RORA: variants seen among roughly 807,000 people sequenced by gnomAD.
RORA encodes the protein nuclear receptor ROR-alpha.
A neutral mutation model predicts 69.5 loss-of-function variants in RORA; 7 were observed. The ratio of observed to expected loss-of-function variants is 0.10; its 90% confidence interval spans 0.06 to 0.19. The LOEUF is 0.19. Among genes scored for constraint, RORA ranks in the 10% least tolerant of loss-of-function variants. The pLI is 1.00. For synonymous variants in RORA, 261 were observed against 240.8 expected (o/e 1.08, Z -0.78); for missense variants, 457 against 663.0 (o/e 0.69, Z 3.41).
chr15:61,131,358 A>G lies in RORA; in HGVS notation c.166+97695T>C, dbSNP rs1320275214. ...AATTGTCTGTAGAAAATAAATCTAGACTCTTTCATCAGAGACTTCTAGCAG... is the reference window on the plus strand; with the variant it reads ...AATTGTCTGTAGAAAATAAATCTAGGCTCTTTCATCAGAGACTTCTAGCAG... On this transcript the variant is annotated intron_variant, in intron 1 of 10. Transcript: ENST00000335670. This position sits in a 1 kb window ranked among gnomAD's most constrained non-coding sequence, Gnocchi z 4.2. Among the ~76,000 whole-genome samples the G allele has an allele frequency of 2.6e-5, 4 of 152,062 alleles. No homozygotes were observed. Among genetic ancestry groups the G allele is most frequent in the African/African-American group, 9.7e-5 (4 of 41,402 alleles).
chr15:60,494,551 T>G lies in RORA; in HGVS notation c.*2904A>C, dbSNP rs2141235086. On this transcript the variant is annotated 3_prime_UTR_variant, in exon 11 of 11. Coordinates refer to ENST00000335670, the MANE Select transcript of RORA (RefSeq NM_134261.3). The stretch of plus-strand genomic sequence containing the variant: ...TAATGAAGAAAGGAAAATGCAAAGT[T>G]TTTCACATCCTTTTCTGAGCTCCAT... 1 of 151,876 alleles carries G rather than the reference T, an allele frequency of 6.6e-6. No homozygotes were observed. The highest frequency in any genetic ancestry group is 3.4e-3 in the Middle Eastern group (1 of 294). 9.4% of individuals were successfully genotyped at this position (151,876 alleles called of 1,614,324 possible). A position where few individuals can be genotyped will look rare whatever the true frequency, so the allele number is the denominator to read the frequency against.
intron 2 of RORA, among the ~76,000 whole-genome samples, chr15:60,623,958 A>G (rs2069490578): frequency 6.6e-6 from 1 of 151,934 alleles, no homozygotes; most frequent in African/African-American, 2.4e-5. Flanking sequence ...ACATTTTCCC[A>G]CTAAAATTCT....
In RORA at chr15:61,046,095, G is replaced by A. The variant is rs866247605; in HGVS notation, c.166+182958C>T. 2.5e-4 allele frequency among the ~76,000 whole-genome samples: 38 copies of A among 152,190 alleles called. 1 individual carries two copies. The highest frequency in any genetic ancestry group is 8.3e-4 in the South Asian group (4 of 4,828). ...GGATAGATCAACGGAGAAAAGGGGA[G>A]GAAGTGAGAGGAAGCAGTTAGGTCT... is the stretch of plus-strand genomic sequence containing the variant. On this transcript the variant is annotated intron_variant, in intron 1 of 10. Coordinates refer to ENST00000335670, the MANE Select transcript of RORA (RefSeq NM_134261.3).
chr15:60,504,825 A>G (rs1394949939), intron 6 of RORA, among the ~76,000 whole-genome samples: 1 of 152,090 alleles, frequency 6.6e-6, no homozygotes, highest in African/African-American at 2.4e-5. Flanking sequence ...TGTTTCCCCA[A>G]TCTTAGTTTC....
intron 1 of RORA, among the ~76,000 whole-genome samples, chr15:61,033,037 C>T (rs967057551): frequency 1.1e-4 from 17 of 152,076 alleles, no homozygotes; most frequent in African/African-American, 3.9e-4. Context: ...TTTTACAGAG[C>T]GGGGAACAGA....
chr15:60,699,408 CAA>C (rs1218218120), intron 1 of RORA, among the ~76,000 whole-genome samples: 2 of 152,128 alleles, frequency 1.3e-5, no homozygotes, highest in Non-Finnish European at 2.9e-5. Context: ...TGAATCTAAA[CAA>C]CACACCAACT....
chr15:60,695,472 T>C (rs1490112508), intron 1 of RORA, among the ~76,000 whole-genome samples: 2 of 152,048 alleles, frequency 1.3e-5, no homozygotes, highest in African/African-American at 4.8e-5. Flanking sequence ...TTTTTTTCAC[T>C]TGCATTTCAC....
intron 1 of RORA, among the ~76,000 whole-genome samples, chr15:61,157,423 T>C (rs551888855): frequency 6.6e-6 from 1 of 152,294 alleles, no homozygotes; most frequent in East Asian, 1.9e-4. Flanking sequence ...TAATGGGTTA[T>C]TTGTGTAAAC....
At chr15:60,841,925 C>A (rs1480023635) in intron 1 of RORA, among the ~76,000 whole-genome samples, 1 of 152,166 alleles carries the variant, frequency 6.6e-6, no homozygotes, top group Non-Finnish European at 1.5e-5. Flanking sequence ...GGGCGTGGGA[C>A]CTGGGTCCAG....
chr15:61,072,178 ATTACAAATTATATGTTAC>A (rs1247159654), intron 1 of RORA, among the ~76,000 whole-genome samples: 1 of 152,322 alleles, frequency 6.6e-6, no homozygotes, highest in East Asian at 1.9e-4. Flanking sequence ...GGCAAAGAAC[ATTACAAATTATATGTTAC>A]TAAAGAAAAG....
intron 2 of RORA, among the ~76,000 whole-genome samples, chr15:60,600,491 C>T (rs340027): frequency 1.3e-3 from 196 of 152,268 alleles, no homozygotes; most frequent in African/African-American, 4.6e-3. Flanking sequence ...AGTGTCTGAC[C>T]AGAAGTCTAT....
At chr15:61,142,888 T>C (rs1315146186) in intron 1 of RORA, among the ~76,000 whole-genome samples, 3 of 152,128 alleles carry the variant, frequency 2.0e-5, no homozygotes, top group Non-Finnish European at 4.4e-5. Flanking sequence ...TAGATACACA[T>C]GCATCAGCTC....
intron 2 of RORA, among the ~76,000 whole-genome samples, chr15:60,553,090 A>T (rs1254555021): frequency 6.6e-6 from 1 of 152,216 alleles, no homozygotes; most frequent in African/African-American, 2.4e-5. Flanking sequence ...GAATATATGT[A>T]AGCAACTAGC....
intron 2 of RORA, among the ~76,000 whole-genome samples, chr15:60,588,795 T>C (rs1253545063): frequency 2.0e-5 from 3 of 152,260 alleles, no homozygotes; most frequent in Non-Finnish European, 4.4e-5. Flanking sequence ...CAGCATTAAA[T>C]AAATTATATG....
intron 1 of RORA, among the ~76,000 whole-genome samples, chr15:60,965,015 G>C (rs1415961399): frequency 6.6e-6 from 1 of 152,144 alleles, no homozygotes; most frequent in Non-Finnish European, 1.5e-5. Context: ...AGCTTCTCTT[G>C]CTCTCTCCCT....
chr15:61,054,564 C>T (rs1037452026), intron 1 of RORA, among the ~76,000 whole-genome samples: 9 of 152,238 alleles, frequency 5.9e-5, no homozygotes, highest in African/African-American at 1.9e-4. Context: ...GATTTAGGCT[C>T]CAAGCAATAA....
At chr15:60,949,631 G>A (rs545539503) in intron 1 of RORA, among the ~76,000 whole-genome samples, 2 of 152,312 alleles carry the variant, frequency 1.3e-5, no homozygotes, top group Non-Finnish European at 2.9e-5. Flanking sequence ...TTGAGAGAAA[G>A]CTTCCTAACC....
intron 2 of RORA, among the ~76,000 whole-genome samples, chr15:60,600,697 G>A (rs1336237396): frequency 6.6e-6 from 1 of 151,722 alleles, no homozygotes; most frequent in Non-Finnish European, 1.5e-5. Flanking sequence ...GTAAGATGGA[G>A]GTAGATTAAA....
chr15:60,903,539 T>C (rs1344296292), intron 1 of RORA, among the ~76,000 whole-genome samples: 2 of 152,226 alleles, frequency 1.3e-5, no homozygotes, highest in Non-Finnish European at 2.9e-5. Flanking sequence ...AAGCACACGA[T>C]AGGGTACCAA....
Sources: allele counts gnomAD v4.1 joint callset (sites outside exome capture counted in the v4.1 genomes callset), GRCh38; gene constraint gnomAD v4.1.1; non-coding constraint Gnocchi (gnomAD v3.1); transcripts MANE v1.5; gene names NCBI Gene and HGNC (gene_info 2026-07-23, HGNC 2026-07-21).